Variants in SMOX observed in about 807,000 individuals in gnomAD.
SMOX encodes the protein spermine oxidase, also known as flavin containing amine oxidase.
Under a neutral mutation model 51.0 loss-of-function variants are expected in SMOX, and 22 were observed. The observed-to-expected ratio is 0.43, with a 90% CI of 0.31 to 0.62. The LOEUF is 0.62. Ranked by LOEUF, SMOX falls within the 20% of genes least tolerant of loss-of-function variation. SMOX has a pLI of 0.10. For missense variants in SMOX, 566 were observed against 777.7 expected (o/e 0.73, Z 3.24); for synonymous variants, 282 against 307.8 (o/e 0.92, Z 0.88).
rs150570653 is a variant in SMOX at position 4,175,706 on chromosome 20, C to T, written c.208+443C>T. On this transcript the variant is annotated intron_variant, in intron 2 of 6. Transcript: ENST00000305958. ...GCAGAGATGAAAGGGGATTTTGGGCCTCCATGTGTGTGATGGGCAGGTCTT... is the reference window on the plus strand; with the variant it reads ...GCAGAGATGAAAGGGGATTTTGGGCTTCCATGTGTGTGATGGGCAGGTCTT... Among the ~76,000 whole-genome samples, 13 of 152,232 alleles carry T rather than the reference C, an allele frequency of 8.5e-5. No homozygotes were observed. In the East Asian group the frequency reaches 1.2e-3, roughly 14 times the overall value.
At chr20:4,150,893 G>A (rs974255262) in intron 1 of SMOX, among the ~76,000 whole-genome samples, 2 of 141,230 alleles carry the variant, frequency 1.4e-5, no homozygotes, top group Non-Finnish European at 3.0e-5. Context: ...GTGCAATGAC[G>A]TGATCTTGGC....
chr20:4,173,237 C>A (rs898640671), intron 1 of SMOX, among the ~76,000 whole-genome samples: 5 of 152,196 alleles, frequency 3.3e-5, no homozygotes, highest in African/African-American at 1.2e-4. Flanking sequence ...CAGTCATCTC[C>A]CTGCCTTCTA....
rs1979454444 is a variant in SMOX, at chr20:4,182,859, T to C, written c.1369+11T>C. ...TGCGTCAGTTCACAGGTGCGCCACGTGCCCCACGACCCGCTTCCCCCACCC... is the reference window on the plus strand; with the variant it reads ...TGCGTCAGTTCACAGGTGCGCCACGCGCCCCACGACCCGCTTCCCCCACCC... On this transcript the variant is annotated intron_variant, in intron 5 of 6. Coordinates refer to ENST00000305958, the MANE Select transcript of SMOX (RefSeq NM_175839.3). This position sits in a 1 kb window ranked among gnomAD's most constrained non-coding sequence, Gnocchi z 8.4. 2 of 1,596,028 alleles carry C rather than the reference T, an allele frequency of 1.3e-6. No homozygotes were observed. Among genetic ancestry groups the C allele is most frequent in the Non-Finnish European group, 1.7e-6 (2 of 1,175,760 alleles).
chr20:4,184,504 A>AAG (rs1243169359), intron 6 of SMOX, among the ~76,000 whole-genome samples: 1 of 152,038 alleles, frequency 6.6e-6, no homozygotes, highest in East Asian at 1.9e-4. Flanking sequence ...TACACTAAAA[A>AAG]AAAAAAATCT....
In SMOX at chr20:4,177,503, G is replaced by T. The variant is rs753048218; in HGVS notation, c.361G>T (p.Ala121Ser). The change falls in exon 3 of 7, where the codon GCC becomes TCC. Residue 121 changes from alanine (A) to serine (S), a missense_variant. Ala to Ser is a moderately conservative substitution (Grantham distance 99). Transcript: ENST00000305958. This position sits in a 1 kb window ranked among gnomAD's most constrained non-coding sequence, Gnocchi z 4.3. ...CAGCCTCTATTCCAAGAATGGCGTG[G>T]CCTGCTACCTTACCAACCACGGCCG... ...RISLYSKNGVACYLTNHGRRI... is the reference protein window; with the variant it reads ...RISLYSKNGVSCYLTNHGRRI... 3.8e-5 allele frequency: 60 copies of T among 1,591,888 alleles called. No homozygotes were observed. Among genetic ancestry groups the T allele is most frequent in the Non-Finnish European group, 4.7e-5 (55 of 1,168,172 alleles).
chr20:4,179,287 T>C (rs1283933322), intron 3 of SMOX, among the ~76,000 whole-genome samples: 2 of 152,238 alleles, frequency 1.3e-5, no homozygotes, highest in Non-Finnish European at 2.9e-5. Context: ...GCCCGTGGTT[T>C]GTTCTTTTAA....
rs1305437025 is a variant in SMOX, at chr20:4,181,483, T to C, written c.436-320T>C. On this transcript the variant is annotated intron_variant, in intron 3 of 6. Transcript: ENST00000305958. This position sits in a 1 kb window ranked among gnomAD's most constrained non-coding sequence, Gnocchi z 5.6. ...GGGAGGTGGAGCCCATGGAGGCCCATGCAGAGTCCATGAGGGGTGGCTTCT... is the reference window on the plus strand; with the variant it reads ...GGGAGGTGGAGCCCATGGAGGCCCACGCAGAGTCCATGAGGGGTGGCTTCT... Among the ~76,000 whole-genome samples, 1 of 152,158 alleles carries C rather than the reference T, an allele frequency of 6.6e-6. No homozygotes were observed.
intron 1 of SMOX, among the ~76,000 whole-genome samples, chr20:4,154,482 T>G (rs1985910240): frequency 2.0e-5 from 3 of 152,032 alleles, no homozygotes; most frequent in African/African-American, 7.3e-5. Flanking sequence ...TTTAAACAAT[T>G]CTCCTGCCTC....
At position 4,170,472 on chromosome 20, in the gene SMOX, CT is replaced by C. The variant is rs923845590; in HGVS notation, c.-26-4548del. 4.0e-5 allele frequency among the ~76,000 whole-genome samples: 6 copies of C among 149,910 alleles called. No homozygotes were observed. Among genetic ancestry groups the C allele is most frequent in the East Asian group, 1.9e-4 (1 of 5,142 alleles). ...ACTTGCTGGAGTGTAAATTTCTTCA[CT>C]TTTTTTTTTCTGAGACAGGGTCTCA... On this transcript the variant is annotated intron_variant, in intron 1 of 6. Coordinates refer to ENST00000305958, the MANE Select transcript of SMOX (RefSeq NM_175839.3). The surrounding 1 kb of genome is among the most constrained non-coding windows in gnomAD (Gnocchi z 4.6).
rs1420253080 is a variant in SMOX, at chr20:4,183,500, C to A, written c.1376C>A (p.Pro459His). The A allele has an allele frequency of 6.2e-7, 1 of 1,614,150 alleles. No individual in the cohort carries two copies. The highest frequency in any genetic ancestry group is 1.7e-5 in the Admixed American group (1 of 60,014). Residue 459 changes from proline (P) to histidine (H), a missense_variant, in exon 6 of 7, where the codon CCC becomes CAC. Coordinates refer to ENST00000305958, the MANE Select transcript of SMOX (RefSeq NM_175839.3). This position sits in a 1 kb window ranked among gnomAD's most constrained non-coding sequence, Gnocchi z 4.3. ...TEMLRQFTGN[P>H]NIPKPRRILR... ...TTTTCTGACTCTCCATCAGGGAACC[C>A]CAACATTCCAAAACCTCGGCGAATC... is the stretch of plus-strand genomic sequence containing the variant.
At chr20:4,174,326 G>A (rs949745881) in intron 1 of SMOX, among the ~76,000 whole-genome samples, 6 of 152,138 alleles carry the variant, frequency 3.9e-5, no homozygotes, top group Non-Finnish European at 8.8e-5. Flanking sequence ...TGGGATCTGT[G>A]TTGAGTATCC....
At position 4,182,337 on chromosome 20, in the gene SMOX, C is replaced by A; in HGVS notation, c.858C>A (p.His286Gln). The change falls in exon 5 of 7, where the codon CAC (histidine) becomes CAA (glutamine). Residue 286 changes from histidine (H) to glutamine (Q), a missense_variant. Physicochemically the swap from His to Gln is conservative, Grantham distance 24. Transcript: ENST00000305958. The surrounding 1 kb of genome is among the most constrained non-coding windows in gnomAD (Gnocchi z 8.4). ...TTGAGCCCCGGGGTGAGGGCGACCA[C>A]AATCACGACACTGGGGAGGGTGGCC... ...PEIEPRGEGD[H>Q]NHDTGEGGQG... is the part of the protein sequence containing the mutation. 1 of 1,593,678 alleles carries A rather than the reference C, an allele frequency of 6.3e-7. No individual in the cohort carries two copies. The highest frequency in any genetic ancestry group is 8.6e-7 in the Non-Finnish European group (1 of 1,166,696).
At chr20:4,169,190 C>G (rs1986714683) in intron 1 of SMOX, among the ~76,000 whole-genome samples, 1 of 152,002 alleles carries the variant, frequency 6.6e-6, no homozygotes, top group South Asian at 2.1e-4. Context: ...TTAGTAGAAA[C>G]TAGGTCTCAC....
chr20:4,161,852 A>G (rs1378971004), intron 1 of SMOX, among the ~76,000 whole-genome samples: 1 of 151,612 alleles, frequency 6.6e-6, no homozygotes, highest in Non-Finnish European at 1.5e-5. Context: ...GTCCCCTGCT[A>G]CTCCCGTCCC....
intron 1 of SMOX, among the ~76,000 whole-genome samples, chr20:4,168,818 A>G (rs1426921360): frequency 6.6e-6 from 1 of 151,524 alleles, no homozygotes; most frequent in Non-Finnish European, 1.5e-5. Flanking sequence ...CGGCCTCCCC[A>G]AGTGCTGGGA....
rs781491758 is a variant in SMOX at position 4,183,598 on chromosome 20, G to T, written c.1474G>T (p.Ala492Ser). The stretch of plus-strand genomic sequence containing the variant: ...ATACACGCAGGTGGGCTCCAGCGGG[G>T]CGGATGTGGAGAAGCTGGCCAAGCC... Reference protein sequence around the residue: ...YSYTQVGSSGADVEKLAKPLP... With the variant: ...YSYTQVGSSGSDVEKLAKPLP... Residue 492 changes from alanine (A) to serine (S), a missense_variant, in exon 6 of 7, where the codon GCG becomes TCG. Around this residue, in one of 3 missense-constraint regions of SMOX, gnomAD observed 347 missense variants for 481.8 expected, o/e 0.72. Transcript: ENST00000305958. The surrounding 1 kb of genome is among the most constrained non-coding windows in gnomAD (Gnocchi z 4.3). 5.0e-6 allele frequency: 8 copies of T among 1,609,962 alleles called. No individual in the cohort carries two copies. The highest frequency in any genetic ancestry group is 6.8e-6 in the Non-Finnish European group (8 of 1,177,784).
chr20:4,160,670 T>C (rs1986264367), intron 1 of SMOX, among the ~76,000 whole-genome samples: 1 of 152,232 alleles, frequency 6.6e-6, no homozygotes, highest in South Asian at 2.1e-4. Flanking sequence ...TTTTTTCGTT[T>C]TGTGATCATG....
In SMOX at chr20:4,183,449, C is replaced by T; in HGVS notation, c.1370-45C>T. ...TTTGGGGTCATCTTCCATATGCAGC[C>T]ATTTCTTATCCTCCCTCCTCTTGGC... On this transcript the variant is annotated intron_variant, in intron 5 of 6. Coordinates refer to ENST00000305958, the MANE Select transcript of SMOX (RefSeq NM_175839.3). The surrounding 1 kb of genome is among the most constrained non-coding windows in gnomAD (Gnocchi z 4.3). 1.2e-6 allele frequency: 2 copies of T among 1,613,838 alleles called. No homozygotes were observed. Among genetic ancestry groups the T allele is most frequent in the East Asian group, 2.2e-5 (1 of 44,862 alleles).
At chr20:4,158,007 TCTC>T (rs1986104623) in intron 1 of SMOX, among the ~76,000 whole-genome samples, 1 of 151,650 alleles carries the variant, frequency 6.6e-6, no homozygotes. Context: ...TTCACGCCAT[TCTC>T]CTGCCTCAGC....
Sources: gnomAD v4.1 joint callset for allele counts (sites outside exome capture counted in the v4.1 genomes callset) on GRCh38, gnomAD v4.1.1 for gene constraint, gnomAD v4.1.1 regional missense constraint, Gnocchi (gnomAD v3.1) non-coding constraint, MANE v1.5 for transcripts, NCBI Gene and HGNC (gene_info 2026-07-23, HGNC 2026-07-21) for gene names.